FAM174A: variants seen among roughly 807,000 people sequenced by gnomAD.
FAM174A encodes the protein membrane protein FAM174A.
FAM174A carries 14 observed loss-of-function variants against 14.3 expected under a neutral mutation model. The observed-to-expected ratio is 0.98, with a 90% confidence interval of 0.65 to 1.53. The LOEUF is 1.53. FAM174A is among the 40% of genes most tolerant of loss of function. The pLI is 0.00. For synonymous variants in FAM174A, 108 were observed against 111.4 expected (o/e 0.97, Z 0.19); for missense variants, 241 against 249.6 (o/e 0.97, Z 0.23).
chr5:100,586,091 CT>C, intron 2 of FAM174A, 89 bp from the exon 3 acceptor site: 1 of 613,162 alleles, frequency 1.6e-6, no homozygotes, highest in Non-Finnish European at 2.8e-6. Flanking sequence ...TATATTCTTC[CT>C]TCCCCTCCAA....
chr5:100,560,539 T>C (rs1040210464), intron 1 of FAM174A, among the ~76,000 whole-genome samples: 2 of 152,026 alleles, frequency 1.3e-5, no homozygotes, highest in African/African-American at 4.8e-5. Flanking sequence ...TCTTTGTTTG[T>C]ACTCACACTT....
chr5:100,576,487 T>C (rs1746909297), intron 2 of FAM174A, among the ~76,000 whole-genome samples: 1 of 152,180 alleles, frequency 6.6e-6, no homozygotes, highest in African/African-American at 2.4e-5. Context: ...ATGAGAAAGG[T>C]TTCCCTAAAG....
chr5:100,569,329 T>G (rs1301741902), intron 2 of FAM174A, among the ~76,000 whole-genome samples: 1 of 151,818 alleles, frequency 6.6e-6, no homozygotes, highest in East Asian at 1.9e-4. Flanking sequence ...TGCCATTTAC[T>G]ATGTCATATG....
intron 2 of FAM174A, among the ~76,000 whole-genome samples, chr5:100,568,898 T>A (rs1746720113): frequency 6.6e-6 from 1 of 151,964 alleles, no homozygotes; most frequent in Non-Finnish European, 1.5e-5. Context: ...TAATTTATTT[T>A]AGTTTGCTTT....
chr5:100,577,139 C>T (rs1392063510), intron 2 of FAM174A, among the ~76,000 whole-genome samples: 1 of 152,028 alleles, frequency 6.6e-6, no homozygotes, highest in Non-Finnish European at 1.5e-5. Flanking sequence ...GATTATTACA[C>T]ATTGTATGCT....
intron 1 of FAM174A, among the ~76,000 whole-genome samples, chr5:100,556,860 T>C (rs1038831845): frequency 6.6e-6 from 1 of 152,210 alleles, no homozygotes; most frequent in Non-Finnish European, 1.5e-5. Flanking sequence ...GATGGGGTTT[T>C]CTAGATATAC....
At chr5:100,552,414 A>G (rs1270502691) in intron 1 of FAM174A, among the ~76,000 whole-genome samples, 1 of 151,980 alleles carries the variant, frequency 6.6e-6, no homozygotes, top group East Asian at 1.9e-4. Flanking sequence ...TCCTCAGTCT[A>G]GCTTTGAATG....
chr5:100,558,358 C>G (rs1561317449), intron 1 of FAM174A, among the ~76,000 whole-genome samples: 2 of 152,054 alleles, frequency 1.3e-5, no homozygotes, highest in African/African-American at 2.4e-5. Context: ...TTACTTCCAA[C>G]TATGTGGTCA....
At chr5:100,585,500 G>A (rs750858346) in intron 2 of FAM174A, among the ~76,000 whole-genome samples, 10 of 152,004 alleles carry the variant, frequency 6.6e-5, no homozygotes, top group Admixed American at 1.3e-4. Context: ...TGCAGCCTCC[G>A]CCTCCCGAGT....
intron 2 of FAM174A, among the ~76,000 whole-genome samples, 166 bp downstream of exon 2, chr5:100,562,354 G>A (rs796630019): frequency 3.3e-5 from 5 of 151,948 alleles, no homozygotes; most frequent in East Asian, 1.9e-4. Context: ...TCACATTCAC[G>A]TTGTTTTGCT....
rs574129886 is a variant in FAM174A at position 100,559,450 on chromosome 5, C to T, written c.435-2604C>T. ...CTCTTCTCGAGGAGTATCTTTGTGG[C>T]GTTCTCTGTATTTCCTGAATTTGAA... On this transcript the variant is annotated intron_variant, in intron 1 of 2. Coordinates refer to ENST00000312637, the MANE Select transcript of FAM174A (RefSeq NM_198507.3). Among the ~76,000 whole-genome samples, 133 of 151,982 alleles carry T rather than the reference C, an allele frequency of 8.8e-4. 1 individual carries two copies. The highest frequency in any genetic ancestry group is 1.4e-3 in the Non-Finnish European group (93 of 67,960).
intron 1 of FAM174A, among the ~76,000 whole-genome samples, chr5:100,546,295 CCTAG>C (rs1172314476): frequency 2.6e-5 from 4 of 152,114 alleles, no homozygotes; most frequent in Non-Finnish European, 4.4e-5. Flanking sequence ...AATGCCTTAA[CCTAG>C]AAAAGGCACA....
intron 2 of FAM174A, among the ~76,000 whole-genome samples, chr5:100,568,242 A>G (rs1019858571): frequency 6.6e-6 from 1 of 151,810 alleles, no homozygotes; most frequent in Admixed American, 6.6e-5. Flanking sequence ...GCGTCTTCAA[A>G]ATGGTTTCTG....
intron 2 of FAM174A, among the ~76,000 whole-genome samples, chr5:100,572,484 G>C (rs372496575): frequency 7.0e-6 from 1 of 142,642 alleles, no homozygotes; most frequent in Non-Finnish European, 1.5e-5. Flanking sequence ...TCCCACCTAT[G>C]AGTGAGAATA....
At position 100,574,584 on chromosome 5, in the gene FAM174A, A is replaced by C. The variant is rs116100170; in HGVS notation, c.570-11597A>C. Among the ~76,000 whole-genome samples, 784 of 152,296 alleles carry C rather than the reference A, an allele frequency of 5.1e-3. 9 individuals are homozygous for C. The highest frequency in any genetic ancestry group is 0.018 in the African/African-American group (728 of 41,560). ...GAAGTTACTAAGTCCTATTTCAGCT[A>C]TCTTAACTTGTTTAGCAATAAAGCT... is the stretch of plus-strand genomic sequence containing the variant. On this transcript the variant is annotated intron_variant, in intron 2 of 2. Coordinates refer to ENST00000312637, the MANE Select transcript of FAM174A (RefSeq NM_198507.3).
chr5:100,550,039 A>T (rs981054001), intron 1 of FAM174A, among the ~76,000 whole-genome samples: 2 of 152,172 alleles, frequency 1.3e-5, no homozygotes, highest in African/African-American at 4.8e-5. Flanking sequence ...TTTTGAAAGG[A>T]TAAACTTCAG....
chr5:100,538,494 G>A (rs1419733071), intron 1 of FAM174A, among the ~76,000 whole-genome samples: 1 of 151,614 alleles, frequency 6.6e-6, no homozygotes, highest in Non-Finnish European at 1.5e-5. Context: ...GGTTCTCACT[G>A]TAGAAATACA....
At chr5:100,556,495 T>G (rs1181261985) in intron 1 of FAM174A, among the ~76,000 whole-genome samples, 1 of 152,328 alleles carries the variant, frequency 6.6e-6, no homozygotes, top group East Asian at 1.9e-4. Flanking sequence ...ATTGGTAGCT[T>G]GATGGGGATG....
At chr5:100,583,633 T>C (rs1747062458) in intron 2 of FAM174A, among the ~76,000 whole-genome samples, 1 of 151,842 alleles carries the variant, frequency 6.6e-6, no homozygotes, top group East Asian at 1.9e-4. Context: ...CATCTTTTAT[T>C]ACCGATTTTT....
Sources: allele counts gnomAD v4.1 joint callset (sites outside exome capture counted in the v4.1 genomes callset), GRCh38; gene constraint gnomAD v4.1.1; transcripts MANE v1.5; gene names NCBI Gene and HGNC (gene_info 2026-07-23, HGNC 2026-07-21).